The following TPMT variants were observed in gnomAD, a reference collection of about 807,000 sequenced individuals.
The protein encoded by TPMT is thiopurine S-methyltransferase.
TPMT carries 18 observed loss-of-function variants against 34.2 expected under a neutral mutation model. The observed-to-expected ratio is 0.53, with a 90% confidence interval of 0.36 to 0.78. The LOEUF is 0.78. Among genes scored for constraint, TPMT ranks in the 30% least tolerant of loss-of-function variants. TPMT has a pLI of 0.00. For synonymous variants in TPMT, 69 were observed against 92.4 expected (o/e 0.75, Z 1.45); for missense variants, 265 against 288.1 (o/e 0.92, Z 0.58).
rs1259868940 is a variant in TPMT at position 18,139,047 on chromosome 6, A to G, written c.420-10T>C. The G allele has an allele frequency of 6.2e-7, 1 of 1,612,734 alleles. No individual in the cohort carries two copies. Among genetic ancestry groups the G allele is most frequent in the South Asian group, 1.1e-5 (1 of 91,028 alleles). On this transcript the variant is annotated splice_polypyrimidine_tract_variant and intron_variant, in intron 5 of 8. Transcript: ENST00000309983. The surrounding 1 kb of genome is among the most constrained non-coding windows in gnomAD (Gnocchi z 4.2). ...TTTGCCAATATTTGTCCTACCAGAA[A>G]GAGAAAAAACATTTTATGGGAGAAA...
In TPMT at chr6:18,148,081, C is replaced by G. The variant is rs769945122; in HGVS notation, c.141-166G>C. ...AACAGGTAACTTGCTCAGACACACA[C>G]CCAGTCAGTGGTAAATCTGACTTAC... On this transcript the variant is annotated intron_variant, in intron 2 of 8. Coordinates refer to ENST00000309983, the MANE Select transcript of TPMT (RefSeq NM_000367.5). This position sits in a 1 kb window ranked among gnomAD's most constrained non-coding sequence, Gnocchi z 4.1. 6.4e-4 allele frequency among the ~76,000 whole-genome samples: 98 copies of G among 152,296 alleles called. No homozygotes were observed. Among genetic ancestry groups the G allele is most frequent in the Non-Finnish European group, 1.0e-3 (68 of 68,018 alleles).
intron 1 of TPMT, among the ~76,000 whole-genome samples, chr6:18,151,479 A>G (rs1191365416): frequency 6.6e-6 from 1 of 151,920 alleles, no homozygotes; most frequent in Admixed American, 6.6e-5. Context: ...AGAAAAAAAC[A>G]AAAAAAAGAA....
Position 18,139,782 on chromosome 6 carries a change from A to G in TPMT, c.367-65T>C, listed in dbSNP as rs1784110203. Reference sequence around the variant, plus strand: ...TTAGTAAGTACTTGAATAGTCAAGGAAAGAGGGCCAAGCAAAGCAAAAGTT... The same window carrying G: ...TTAGTAAGTACTTGAATAGTCAAGGGAAGAGGGCCAAGCAAAGCAAAAGTT... On this transcript the variant is annotated intron_variant, in intron 4 of 8. Coordinates refer to ENST00000309983, the MANE Select transcript of TPMT (RefSeq NM_000367.5). This position sits in a 1 kb window ranked among gnomAD's most constrained non-coding sequence, Gnocchi z 4.2. The G allele has an allele frequency of 9.0e-7, 1 of 1,105,048 alleles. No individual in the cohort carries two copies. 68.5% of individuals were successfully genotyped at this position (1,105,048 alleles called of 1,614,324 possible).
In TPMT at chr6:18,132,636, GTTCT is replaced by G. The variant is rs1430228133; in HGVS notation, c.581-463_581-460del. ...GGCCTGCTGTATTTTCTTCCCAAAGGTTCTTTGTTAGGGCTTCTGTTCATTAATG... is the reference window on the plus strand; with the variant it reads ...GGCCTGCTGTATTTTCTTCCCAAAGGTTGTTAGGGCTTCTGTTCATTAATG... On this transcript the variant is annotated intron_variant, in intron 7 of 8. Coordinates refer to ENST00000309983, the MANE Select transcript of TPMT (RefSeq NM_000367.5). The surrounding 1 kb of genome is among the most constrained non-coding windows in gnomAD (Gnocchi z 4.8). Among the ~76,000 whole-genome samples the G allele has an allele frequency of 2.0e-5, 3 of 152,078 alleles. No homozygotes were observed. Among genetic ancestry groups the G allele is most frequent in the Non-Finnish European group, 4.4e-5 (3 of 68,016 alleles).
rs1037482948 is a variant in TPMT, at chr6:18,154,333, C to T, written c.-45+700G>A. On this transcript the variant is annotated intron_variant, in intron 1 of 8. Transcript: ENST00000309983. This position sits in a 1 kb window ranked among gnomAD's most constrained non-coding sequence, Gnocchi z 4.2. ...CTCAAGTTGTTCTAGTCTCCATTCTCACCTTTTCAAAAGCTTCTGCTATAG... is the reference window on the plus strand; with the variant it reads ...CTCAAGTTGTTCTAGTCTCCATTCTTACCTTTTCAAAAGCTTCTGCTATAG... 6.6e-6 allele frequency among the ~76,000 whole-genome samples: 1 copy of T among 152,218 alleles called. No individual in the cohort carries two copies. Among genetic ancestry groups the T allele is most frequent in the South Asian group, 2.1e-4 (1 of 4,834 alleles).
In TPMT at chr6:18,149,787, GATAACAAAAA is replaced by G. The variant is rs1385735465; in HGVS notation, c.-44-626_-44-617del. Reference sequence around the variant, plus strand: ...GCCATTTCAACATCCAATAAGAAGTGATAACAAAAAATTACTTTCAGTGCGTCTGGTGGTA... The same window carrying G: ...GCCATTTCAACATCCAATAAGAAGTGATTACTTTCAGTGCGTCTGGTGGTA... On this transcript the variant is annotated intron_variant, in intron 1 of 8. Transcript: ENST00000309983. The surrounding 1 kb of genome is among the most constrained non-coding windows in gnomAD (Gnocchi z 5.0). Among the ~76,000 whole-genome samples the G allele has an allele frequency of 6.6e-6, 1 of 152,090 alleles. No individual in the cohort carries two copies. The highest frequency in any genetic ancestry group is 1.5e-5 in the Non-Finnish European group (1 of 67,996).
chr6:18,137,579 A>G (rs1012650995), intron 6 of TPMT, among the ~76,000 whole-genome samples: 1 of 152,138 alleles, frequency 6.6e-6, no homozygotes, highest in African/African-American at 2.4e-5. Flanking sequence ...ATGCTTCCTC[A>G]CTCATATTTT....
rs1784197006 is a variant in TPMT, at chr6:18,143,802, A to G, written c.234-74T>C. The G allele has an allele frequency of 1.3e-6, 2 of 1,562,022 alleles. No individual in the cohort carries two copies. Among genetic ancestry groups the G allele is most frequent in the Non-Finnish European group, 1.7e-6 (2 of 1,146,376 alleles). On this transcript the variant is annotated intron_variant, in intron 3 of 8. Coordinates refer to ENST00000309983, the MANE Select transcript of TPMT (RefSeq NM_000367.5). This position sits in a 1 kb window ranked among gnomAD's most constrained non-coding sequence, Gnocchi z 6.1. Reference sequence around the variant, plus strand: ...AATAGAGGGTTATATTAGAGTAAGCATATATTTTCTTTAATTTAGAGGAAT... The same window carrying G: ...AATAGAGGGTTATATTAGAGTAAGCGTATATTTTCTTTAATTTAGAGGAAT...
At position 18,128,580 on chromosome 6, in the gene TPMT, G is replaced by T. The variant is rs1340980183; in HGVS notation, c.*2088C>A. On this transcript the variant is annotated 3_prime_UTR_variant, in exon 9 of 9. Transcript: ENST00000309983. The surrounding 1 kb of genome is among the most constrained non-coding windows in gnomAD (Gnocchi z 4.6). The stretch of plus-strand genomic sequence containing the variant: ...ATGAAAATGGACCCAGGACGCAGGT[G>T]GCCTCTCTTTGGTTCTCATCTCTTT... 1 of 152,234 alleles carries T rather than the reference G, an allele frequency of 6.6e-6. No individual in the cohort carries two copies. The highest frequency in any genetic ancestry group is 1.5e-5 in the Non-Finnish European group (1 of 68,116). 9.4% of individuals were successfully genotyped at this position (152,234 alleles called of 1,614,324 possible). A position where few individuals can be genotyped will look rare whatever the true frequency, so the allele number is the denominator to read the frequency against.
In TPMT at chr6:18,131,288, T is replaced by A. The variant is rs921861508; in HGVS notation, c.626-508A>T. Among the ~76,000 whole-genome samples, 1 of 151,944 alleles carries A rather than the reference T, an allele frequency of 6.6e-6. No homozygotes were observed. Among genetic ancestry groups the A allele is most frequent in the Non-Finnish European group, 1.5e-5 (1 of 67,984 alleles). On this transcript the variant is annotated intron_variant, in intron 8 of 8. Transcript: ENST00000309983. The surrounding 1 kb of genome is among the most constrained non-coding windows in gnomAD (Gnocchi z 4.3). ...CACTTTTAACTCCCAAGAGTAAAAA[T>A]AAATACACCACTGGGCATGGCGGCT...
At position 18,148,890 on chromosome 6, in the gene TPMT, T is replaced by C; in HGVS notation, c.140+98A>G. The C allele has an allele frequency of 6.4e-7, 1 of 1,556,404 alleles. No individual in the cohort carries two copies. The highest frequency in any genetic ancestry group is 8.8e-7 in the Non-Finnish European group (1 of 1,132,860). On this transcript the variant is annotated intron_variant, in intron 2 of 8. Coordinates refer to ENST00000309983, the MANE Select transcript of TPMT (RefSeq NM_000367.5). This position sits in a 1 kb window ranked among gnomAD's most constrained non-coding sequence, Gnocchi z 4.1. ...AAAAATGTGAAGAATTAAATGTGCA[T>C]CCTAAAAGTTAGTCAAATAATGTGT... is the stretch of plus-strand genomic sequence containing the variant.
chr6:18,142,605 GT>G (rs1288947218), intron 4 of TPMT, among the ~76,000 whole-genome samples: 2 of 151,850 alleles, frequency 1.3e-5, no homozygotes, highest in African/African-American at 4.8e-5. Flanking sequence ...CTTGGGTAGT[GT>G]TTGTTTATTT....
At position 18,153,977 on chromosome 6, in the gene TPMT, C is replaced by T. The variant is rs1784413992; in HGVS notation, c.-45+1056G>A. 6.6e-6 allele frequency among the ~76,000 whole-genome samples: 1 copy of T among 152,144 alleles called. No homozygotes were observed. The highest frequency in any genetic ancestry group is 1.5e-5 in the Non-Finnish European group (1 of 68,026). ...TCTCTCTATCCCCCAGGCTGGAGTG[C>T]AGTGGTGTAATGACACTTCCGTCTC... is the stretch of plus-strand genomic sequence containing the variant. On this transcript the variant is annotated intron_variant, in intron 1 of 8. Transcript: ENST00000309983. The surrounding 1 kb of genome is among the most constrained non-coding windows in gnomAD (Gnocchi z 4.2).
In TPMT at chr6:18,148,291, C is replaced by T. The variant is rs896767240; in HGVS notation, c.141-376G>A. 6.6e-6 allele frequency among the ~76,000 whole-genome samples: 1 copy of T among 152,020 alleles called. No homozygotes were observed. Among genetic ancestry groups the T allele is most frequent in the Admixed American group, 6.6e-5 (1 of 15,250 alleles). ...CGTGTACTCAAGCCTCGGAAGTAAACCTGAGAAGTGTAACTCCTGTAGTTT... is the reference window on the plus strand; with the variant it reads ...CGTGTACTCAAGCCTCGGAAGTAAATCTGAGAAGTGTAACTCCTGTAGTTT... On this transcript the variant is annotated intron_variant, in intron 2 of 8. Transcript: ENST00000309983. The surrounding 1 kb of genome is among the most constrained non-coding windows in gnomAD (Gnocchi z 4.1).
chr6:18,147,876 C>T lies in TPMT; in HGVS notation c.180G>A (p.Lys60=), dbSNP rs2150718281. Residue 60 remains lysine, a synonymous_variant, in exon 3 of 9, where the codon AAG becomes AAA. Coordinates refer to ENST00000309983, the MANE Select transcript of TPMT (RefSeq NM_000367.5). ...GAGGAAAAAATACCCTCAGTCCACTCTTGCCTTTAAGGAAAGTATCTAAAT... is the reference window on the plus strand; with the variant it reads ...GAGGAAAAAATACCCTCAGTCCACTTTTGCCTTTAAGGAAAGTATCTAAAT... ...KKHLDTFLKG[K]SGLRVFFPLC... is the part of the protein sequence containing the mutation. 3.1e-6 allele frequency: 5 copies of T among 1,613,820 alleles called. No homozygotes were observed. In the South Asian group the frequency reaches 5.5e-5, roughly 18 times the overall value.
rs542523050 is a variant in TPMT, at chr6:18,146,437, T to C, written c.233+1386A>G. Among the ~76,000 whole-genome samples the C allele has an allele frequency of 3.9e-5, 6 of 152,280 alleles. No individual in the cohort carries two copies. Among genetic ancestry groups the C allele is most frequent in the African/African-American group, 1.2e-4 (5 of 41,560 alleles). ...CTGGTCTCGAACTCCTGACCTCAAG[T>C]GATCCGCTCACCTAATTAAAGGTGT... On this transcript the variant is annotated intron_variant, in intron 3 of 8. Transcript: ENST00000309983. The surrounding 1 kb of genome is among the most constrained non-coding windows in gnomAD (Gnocchi z 6.2).
intron 1 of TPMT, among the ~76,000 whole-genome samples, chr6:18,151,787 A>C (rs902976192): frequency 6.6e-6 from 1 of 151,972 alleles, no homozygotes; most frequent in African/African-American, 2.4e-5. Flanking sequence ...TGGTAGTCAG[A>C]CTTTCCATAG....
At chr6:18,151,182 CTCTT>C (rs958788997) in intron 1 of TPMT, among the ~76,000 whole-genome samples, 11 of 126,406 alleles carry the variant, frequency 8.7e-5, no homozygotes, top group Non-Finnish European at 1.8e-4. Flanking sequence ...AACTTCTTCT[CTCTT>C]TTTTTTTTTT....
At chr6:18,144,462 T>C (rs555426119) in intron 3 of TPMT, among the ~76,000 whole-genome samples, 1 of 152,328 alleles carries the variant, frequency 6.6e-6, no homozygotes, top group South Asian at 2.1e-4. Flanking sequence ...CACTGCAATC[T>C]CCACCTCCTG....
Sources: gnomAD v4.1 joint callset for allele counts (sites outside exome capture counted in the v4.1 genomes callset) on GRCh38, gnomAD v4.1.1 for gene constraint, Gnocchi (gnomAD v3.1) non-coding constraint, MANE v1.5 for transcripts, NCBI Gene and HGNC (gene_info 2026-07-23, HGNC 2026-07-21) for gene names.